Variants in PTER observed in about 807,000 individuals in gnomAD.
The protein encoded by PTER is N-acetyltaurine hydrolase.
Under a neutral mutation model 29.6 loss-of-function variants are expected in PTER, and 38 were observed. That is an observed-to-expected ratio of 1.28 (90% CI 0.99 to 1.68). The LOEUF (loss-of-function observed/expected upper bound fraction) is 1.68. Among genes scored for constraint, PTER ranks in the 40% most tolerant of loss-of-function variants. The probability of loss-of-function intolerance (pLI) is 0.00; values close to 1 mark genes in which losing one functional copy is unlikely to be tolerated. For missense variants in PTER, 482 were observed against 427.8 expected, an observed-to-expected ratio of 1.13 and a Z score of -1.12; for synonymous variants, 172 against 154.5, an observed-to-expected ratio of 1.11 and a Z score of -0.84.
chr10:16,514,459 TG>T, downstream of PTER: 1 of 1,391,322 alleles, frequency 7.2e-7, no homozygotes, highest in South Asian at 1.3e-5. Flanking sequence ...CTGGGATCCT[TG>T]ATTCACTGAC....
chr10:16,508,320 G>T (rs1349908896), intron 4 of PTER, among the ~76,000 whole-genome samples: 1 of 151,662 alleles, frequency 6.6e-6, no homozygotes, highest in Non-Finnish European at 1.5e-5. Context: ...CGCCCGCCTC[G>T]GCCTCCTAAA....
chr10:16,481,460 T>C (rs1835477575), intron 1 of PTER, among the ~76,000 whole-genome samples: 1 of 152,174 alleles, frequency 6.6e-6, no homozygotes, highest in African/African-American at 2.4e-5. Context: ...AGGAAGCGTG[T>C]ATTCTAGATA....
chr10:16,461,129 C>G (rs11815572), intron 1 of PTER, among the ~76,000 whole-genome samples: 94,924 of 152,006 alleles, frequency 0.62, 30,798 homozygotes, highest in East Asian at 0.81. Flanking sequence ...AAATCATTGT[C>G]TCAAATAATA....
intron 1 of PTER, among the ~76,000 whole-genome samples, chr10:16,441,042 A>T (rs976045144): frequency 2.0e-5 from 3 of 152,186 alleles, no homozygotes; most frequent in Non-Finnish European, 4.4e-5. Context: ...ATCATGCTCC[A>T]GTCTGCTTTG....
intron 4 of PTER, among the ~76,000 whole-genome samples, chr10:16,506,171 G>T (rs1485564069): frequency 1.3e-5 from 2 of 152,170 alleles, no homozygotes; most frequent in Admixed American, 1.3e-4. Context: ...CAATTAGGAG[G>T]CTCACATTTT....
chr10:16,476,683 C>A (rs576367704), intron 1 of PTER, among the ~76,000 whole-genome samples: 15 of 151,410 alleles, frequency 9.9e-5, no homozygotes, highest in Non-Finnish European at 1.9e-4. Flanking sequence ...GTGATCCTCC[C>A]ACCTCAGCCT....
chr10:16,457,337 C>T (rs185375708), intron 1 of PTER, among the ~76,000 whole-genome samples: 1 of 151,932 alleles, frequency 6.6e-6, no homozygotes, highest in African/African-American at 2.4e-5. Flanking sequence ...CTCAGCCTCC[C>T]GAGTAGCTGG....
chr10:16,493,494 C>G (rs966488319), intron 3 of PTER, among the ~76,000 whole-genome samples: 1 of 151,962 alleles, frequency 6.6e-6, no homozygotes, highest in African/African-American at 2.4e-5. Context: ...TAATTTTGAA[C>G]TCCTTCCTCA....
At chr10:16,444,004 C>CT (rs199711479) in intron 1 of PTER, among the ~76,000 whole-genome samples, 13,487 of 136,802 alleles carry the variant, frequency 0.099, 749 homozygotes, top group East Asian at 0.19. Context: ...AAAACTTTTT[C>CT]TTTTTTTTTT....
intron 4 of PTER, among the ~76,000 whole-genome samples, chr10:16,510,335 A>G (rs969359660): frequency 2.0e-5 from 3 of 152,212 alleles, no homozygotes; most frequent in African/African-American, 7.2e-5. Context: ...AATTTAAAGG[A>G]ACAGCTTATT....
At chr10:16,441,924 T>G (rs1833864394) in intron 1 of PTER, among the ~76,000 whole-genome samples, 1 of 151,560 alleles carries the variant, frequency 6.6e-6, no homozygotes, top group Non-Finnish European at 1.5e-5. Flanking sequence ...ATTAAACGGG[T>G]GGGATGTGCT....
chr10:16,437,371 T>C (rs1833689582), intron 1 of PTER: 1 of 149,846 alleles, frequency 6.7e-6, no homozygotes, highest in Admixed American at 6.7e-5. Context: ...AGGGTCTGGC[T>C]CTGCTTCCCA....
At position 16,512,256 on chromosome 10, in the gene PTER, G is replaced by A. The variant is rs970907678; in HGVS notation, c.*1000G>A. 1.3e-5 allele frequency: 2 copies of A among 152,046 alleles called. No homozygotes were observed. The highest frequency in any genetic ancestry group is 2.4e-5 in the African/African-American group (1 of 41,410). The allele number at this position is 152,046 out of a possible 1,614,324, so 9.4% of individuals were successfully genotyped here. On this transcript the variant is annotated 3_prime_UTR_variant, in exon 5 of 5. Coordinates refer to ENST00000535784, the MANE Select transcript of PTER (RefSeq NM_001261836.2). ...CCCTGATATTTTGTGTAAATAAAAT[G>A]TTTTTAAAACCTGTTAGTTAAAACA...
intron 1 of PTER, among the ~76,000 whole-genome samples, chr10:16,481,366 G>T (rs1281711174): frequency 1.3e-5 from 2 of 152,128 alleles, no homozygotes; most frequent in African/African-American, 4.8e-5. Context: ...ATGGGGGAAG[G>T]CCATGAATAA....
intron 3 of PTER, among the ~76,000 whole-genome samples, chr10:16,488,942 A>T (rs1157037591): frequency 6.6e-6 from 1 of 152,042 alleles, no homozygotes. Flanking sequence ...ATTCCTTGGG[A>T]TTCCTGAATG....
intron 1 of PTER, among the ~76,000 whole-genome samples, chr10:16,482,450 A>G (rs1233635378): frequency 1.3e-5 from 2 of 152,198 alleles, no homozygotes; most frequent in South Asian, 2.1e-4. Context: ...TTTGTTGAAT[A>G]TGGTCTGCGT....
chr10:16,446,858 G>A (rs1010941429), intron 1 of PTER, among the ~76,000 whole-genome samples: 3 of 151,716 alleles, frequency 2.0e-5, no homozygotes, highest in Admixed American at 6.6e-5. Flanking sequence ...GTGCAATCTC[G>A]GCTTGCTGCA....
At chr10:16,484,874 T>C in intron 2 of PTER, 58 bp downstream of exon 2, 2 of 1,502,468 alleles carry the variant, frequency 1.3e-6, no homozygotes, top group South Asian at 1.4e-5. Flanking sequence ...AGCCAGAACC[T>C]TGGAAATGCC....
Position 16,457,636 on chromosome 10 carries a change from G to A in PTER, c.-49+20589G>A, listed in dbSNP as rs561231026. Among the ~76,000 whole-genome samples, 56 of 152,052 alleles carry A rather than the reference G, an allele frequency of 3.7e-4. 1 individual carries two copies. In the South Asian group the frequency reaches 7.5e-3, roughly 20 times the overall value. On this transcript the variant is annotated intron_variant, in intron 1 of 4. Coordinates refer to ENST00000535784, the MANE Select transcript of PTER (RefSeq NM_001261836.2). ...TTTTTTTGAGAAAGAGTCTCACTCT[G>A]TCACCCAGGCTGGAGTGCAGTGGCC...
Sources: allele counts gnomAD v4.1 joint callset (sites outside exome capture counted in the v4.1 genomes callset), GRCh38; gene constraint gnomAD v4.1.1; transcripts MANE v1.5; gene names NCBI Gene and HGNC (gene_info 2026-07-23, HGNC 2026-07-21).